ELMOD1: variants seen among roughly 807,000 people sequenced by gnomAD.
ELMOD1 encodes the protein ELMO domain containing 1, also known as ELMO domain-containing protein 1.
Under a neutral mutation model 46.7 loss-of-function variants are expected in ELMOD1, and 21 were observed. The observed-to-expected ratio is 0.45, with a 90% confidence interval of 0.32 to 0.65. The LOEUF (loss-of-function observed/expected upper bound fraction) is 0.65, where lower values mean the gene tolerates loss of function less well. Ranked by LOEUF, ELMOD1 falls within the 30% of genes least tolerant of loss-of-function variation. ELMOD1 has a pLI of 0.04. For synonymous variants in ELMOD1, 122 were observed against 138.2 expected (o/e 0.88, Z 0.82); for missense variants, 348 against 407.8 (o/e 0.85, Z 1.26).
At chr11:107,630,911 G>A (rs1339239328) in intron 4 of ELMOD1, among the ~76,000 whole-genome samples, 183 bp downstream of exon 4, 1 of 152,098 alleles carries the variant, frequency 6.6e-6, no homozygotes, top group African/African-American at 2.4e-5. Context: ...GCCACTGTAT[G>A]TGAATTTCTA....
At chr11:107,641,075 T>C (rs1230727700) in intron 6 of ELMOD1, among the ~76,000 whole-genome samples, 1 of 152,154 alleles carries the variant, frequency 6.6e-6, no homozygotes, top group Non-Finnish European at 1.5e-5. Flanking sequence ...GTGGATCACC[T>C]GAGGCCAGGC....
rs969000924 is a variant in ELMOD1 at position 107,626,944 on chromosome 11, G to A, written c.18-3473G>A. On this transcript the variant is annotated intron_variant, in intron 2 of 11. Transcript: ENST00000265840. ...GCTCACATGGAGGTTTTGAGGAGTT[G>A]GTCCTTTTATAAGGAAGCAAGTTGT... 1.3e-5 allele frequency among the ~76,000 whole-genome samples: 2 copies of A among 152,054 alleles called. 1 individual carries two copies. Among genetic ancestry groups the A allele is most frequent in the South Asian group, 4.1e-4 (2 of 4,828 alleles).
chr11:107,625,406 A>G, intron 2 of ELMOD1: 1 of 983,338 alleles, frequency 1.0e-6, no homozygotes, highest in Non-Finnish European at 1.2e-6. Flanking sequence ...GGATTTCTTC[A>G]AGCAAGAATT....
chr11:107,628,159 GT>G (rs1477044932), intron 2 of ELMOD1, among the ~76,000 whole-genome samples: 4 of 145,888 alleles, frequency 2.7e-5, no homozygotes, highest in Non-Finnish European at 4.4e-5. Flanking sequence ...AAGCTGAGGG[GT>G]TTTTTTGTTT....
chr11:107,611,183 A>G (rs967618788), intron 1 of ELMOD1, among the ~76,000 whole-genome samples: 1 of 152,170 alleles, frequency 6.6e-6, no homozygotes, highest in East Asian at 1.9e-4. Context: ...CAACTGACAG[A>G]ATGGGAGAAA....
In ELMOD1 at chr11:107,630,548, G is replaced by T. The variant is rs781507251; in HGVS notation, c.149G>T (p.Arg50Ile). Residue 50 changes from arginine to isoleucine, a missense_variant, in exon 3 of 12, where the codon AGA (arginine) becomes ATA (isoleucine). By Grantham distance (97) the Arg-to-Ile change is moderately conservative. Coordinates refer to ENST00000265840, the MANE Select transcript of ELMOD1 (RefSeq NM_018712.4). ...TATAATACCAAGCCGGGAGCTTCTAGAACCATGAAAATCGGTAAGCCTGAG... is the reference window on the plus strand; with the variant it reads ...TATAATACCAAGCCGGGAGCTTCTATAACCATGAAAATCGGTAAGCCTGAG... ...ICYNTKPGAS[R>I]TMKIETSLRD... 1 of 1,610,190 alleles carries T rather than the reference G, an allele frequency of 6.2e-7. No individual in the cohort carries two copies. The highest frequency in any genetic ancestry group is 1.1e-5 in the South Asian group (1 of 89,826).
intron 4 of ELMOD1, among the ~76,000 whole-genome samples, chr11:107,631,035 A>G (rs183679099): frequency 2.0e-5 from 3 of 152,270 alleles, no homozygotes; most frequent in East Asian, 1.9e-4. Context: ...ACTCCCTACT[A>G]TTTCCTCAAT....
intron 2 of ELMOD1, among the ~76,000 whole-genome samples, chr11:107,619,183 G>A (rs534581963): frequency 6.6e-6 from 1 of 152,276 alleles, no homozygotes; most frequent in African/African-American, 2.4e-5. Context: ...GGGATTCACT[G>A]GGTTTTGATG....
At chr11:107,615,061 G>C (rs997718651) in intron 1 of ELMOD1, among the ~76,000 whole-genome samples, 1 of 152,054 alleles carries the variant, frequency 6.6e-6, no homozygotes, top group Non-Finnish European at 1.5e-5. Context: ...ACAGGGTAGA[G>C]CTATGCCCCT....
chr11:107,621,504 C>T (rs1865947327), intron 2 of ELMOD1, among the ~76,000 whole-genome samples: 1 of 152,156 alleles, frequency 6.6e-6, no homozygotes, highest in Non-Finnish European at 1.5e-5. Flanking sequence ...GCTAATAATG[C>T]AAGTATTTAT....
intron 2 of ELMOD1, among the ~76,000 whole-genome samples, chr11:107,624,838 A>G (rs1866014319): frequency 6.6e-6 from 1 of 152,190 alleles, no homozygotes; most frequent in Admixed American, 6.6e-5. Flanking sequence ...ATATATTATA[A>G]AAAGAGTGCC....
chr11:107,608,712 T>C (rs565403211), intron 1 of ELMOD1, among the ~76,000 whole-genome samples: 16 of 152,328 alleles, frequency 1.1e-4, no homozygotes, highest in African/African-American at 3.8e-4. Context: ...GTTTAGAAAC[T>C]TCTAGATCTG....
intron 5 of ELMOD1, among the ~76,000 whole-genome samples, chr11:107,633,579 C>T (rs1057364002): frequency 2.0e-5 from 3 of 152,028 alleles, no homozygotes; most frequent in African/African-American, 4.8e-5. Flanking sequence ...ACTACAGGCA[C>T]GTGCCACCAC....
chr11:107,595,271 A>C (rs1865473996), intron 1 of ELMOD1, among the ~76,000 whole-genome samples: 1 of 151,932 alleles, frequency 6.6e-6, no homozygotes, highest in African/African-American at 2.4e-5. Flanking sequence ...AAATTACCCT[A>C]TACTAAAACT....
Position 107,665,069 on chromosome 11 carries a change from C to G in ELMOD1, c.877C>G (p.Pro293Ala). 1 of 1,613,624 alleles carries G rather than the reference C, an allele frequency of 6.2e-7. No homozygotes were observed. The highest frequency in any genetic ancestry group is 1.1e-5 in the South Asian group (1 of 91,044). Residue 293 changes from proline to alanine, a missense_variant, in exon 12 of 12, where the codon CCC becomes GCC. Coordinates refer to ENST00000265840, the MANE Select transcript of ELMOD1 (RefSeq NM_018712.4). The stretch of plus-strand genomic sequence containing the variant: ...TCATAAGTTTTGGATCGAAGAGGAC[C>G]CCATGGACATAATGGAATTTAATCG... The part of the protein sequence containing the change: ...EFHKFWIEED[P>A]MDIMEFNRVR...
intron 2 of ELMOD1, among the ~76,000 whole-genome samples, chr11:107,623,022 C>T (rs571787569): frequency 9.2e-5 from 14 of 152,120 alleles, no homozygotes; most frequent in East Asian, 1.9e-4. Context: ...ATGTGCACAA[C>T]GTGCAGGTTT....
At chr11:107,610,928 A>G (rs1160081187) in intron 1 of ELMOD1, among the ~76,000 whole-genome samples, 2 of 150,164 alleles carry the variant, frequency 1.3e-5, no homozygotes, top group African/African-American at 4.9e-5. Flanking sequence ...AACCCAACCT[A>G]TCACTATCTA....
chr11:107,618,431 T>C (rs1865896220), intron 2 of ELMOD1, among the ~76,000 whole-genome samples: 1 of 152,058 alleles, frequency 6.6e-6, no homozygotes, highest in Non-Finnish European at 1.5e-5. Flanking sequence ...GGCGAGAGAG[T>C]GTGGGCACAA....
intron 9 of ELMOD1, among the ~76,000 whole-genome samples, chr11:107,652,317 CT>C (rs1488118487): frequency 3.3e-5 from 5 of 152,206 alleles, no homozygotes; most frequent in Admixed American, 6.5e-5. Context: ...CACATTACTG[CT>C]CTTGTAAACA....
Sources: allele counts gnomAD v4.1 joint callset (sites outside exome capture counted in the v4.1 genomes callset), GRCh38; gene constraint gnomAD v4.1.1; transcripts MANE v1.5; gene names NCBI Gene and HGNC (gene_info 2026-07-23, HGNC 2026-07-21).